Variants in PTPRN2 observed in about 807,000 individuals in gnomAD.
PTPRN2 encodes the protein receptor-type tyrosine-protein phosphatase N2.
Under a neutral mutation model 118.8 loss-of-function variants are expected in PTPRN2, and 74 were observed. The observed-to-expected ratio is 0.62, with a 90% CI of 0.52 to 0.76. The LOEUF (loss-of-function observed/expected upper bound fraction) is 0.76. Ranked by LOEUF, PTPRN2 falls within the 30% of genes least tolerant of loss-of-function variation. The pLI is 0.00. For synonymous variants in PTPRN2, 641 were observed against 608.0 expected (o/e 1.05, Z -0.80); for missense variants, 1,481 against 1,394.4 (o/e 1.06, Z -0.99).
At chr7:158,311,105 T>G (rs4909176) in intron 3 of PTPRN2, among the ~76,000 whole-genome samples, 142,541 of 152,220 alleles carry the variant, frequency 0.94, 66,805 homozygotes, top group Non-Finnish European at 0.96. Flanking sequence ...AGGGCGCAAA[T>G]AGAGTGGGCA....
chr7:158,343,896 G>A (rs1317668402), intron 2 of PTPRN2, among the ~76,000 whole-genome samples: 1 of 152,174 alleles, frequency 6.6e-6, no homozygotes, highest in Non-Finnish European at 1.5e-5. Context: ...TTCCATGGAG[G>A]GTCTAGACTG....
rs969464015 is a variant in PTPRN2 at position 157,964,242 on chromosome 7, C to T, written c.1724-65505G>A. On this transcript the variant is annotated intron_variant, in intron 11 of 22. Coordinates refer to ENST00000389418, the MANE Select transcript of PTPRN2 (RefSeq NM_002847.5). The surrounding 1 kb of genome is among the most constrained non-coding windows in gnomAD (Gnocchi z 9.0). ...AGCTCCCAGATGCTCCACACACCCA[C>T]GTCTACAGAAACACTAGGCCAGACT... Among the ~76,000 whole-genome samples the T allele has an allele frequency of 2.0e-5, 3 of 152,086 alleles. No homozygotes were observed. The highest frequency in any genetic ancestry group is 3.9e-4 in the East Asian group (2 of 5,186).
chr7:157,987,461 G>A lies in PTPRN2; in HGVS notation c.1724-88724C>T, dbSNP rs760190382. ...GAGATGACAGGTCATTAATGGGGGC[G>A]TAGTGTCCGGTCACTAATAGGGTGT... On this transcript the variant is annotated intron_variant, in intron 11 of 22. Coordinates refer to ENST00000389418, the MANE Select transcript of PTPRN2 (RefSeq NM_002847.5). The surrounding 1 kb of genome is among the most constrained non-coding windows in gnomAD (Gnocchi z 4.3). Among the ~76,000 whole-genome samples, 13 of 152,080 alleles carry A rather than the reference G, an allele frequency of 8.5e-5. No individual in the cohort carries two copies. Among genetic ancestry groups the A allele is most frequent in the East Asian group, 3.9e-4 (2 of 5,170 alleles).
At chr7:158,118,500 A>T (rs1470058012) in intron 9 of PTPRN2, among the ~76,000 whole-genome samples, 1 of 152,228 alleles carries the variant, frequency 6.6e-6, no homozygotes, top group Non-Finnish European at 1.5e-5. Context: ...AAAAATCCAT[A>T]ATGCACATAG....
At chr7:158,012,204 G>A (rs562850675) in intron 11 of PTPRN2, among the ~76,000 whole-genome samples, 8 of 152,192 alleles carry the variant, frequency 5.3e-5, no homozygotes, top group Admixed American at 1.3e-4. Context: ...CGTGCCTTTC[G>A]GAAGCAGATG....
rs922235688 is a variant in PTPRN2, at chr7:157,611,791, C to T, written c.2345-7716G>A. ...GACAGCCGCAGTCATGCTGGGGACA[C>T]GCGGAGGGAGAGCGCCCGTGTGAAG... On this transcript the variant is annotated intron_variant, in intron 15 of 22. Transcript: ENST00000389418. This position sits in a 1 kb window ranked among gnomAD's most constrained non-coding sequence, Gnocchi z 5.9. 4.9e-5 allele frequency among the ~76,000 whole-genome samples: 7 copies of T among 142,398 alleles called. No homozygotes were observed. The highest frequency in any genetic ancestry group is 2.1e-4 in the East Asian group (1 of 4,782). 93.4% of individuals were successfully genotyped at this position (142,398 alleles called of 152,430 possible). A position where few individuals can be genotyped will look rare whatever the true frequency, so the allele number is the denominator to read the frequency against.
chr7:157,809,287 G>A (rs1233298179), intron 12 of PTPRN2, among the ~76,000 whole-genome samples: 7 of 151,398 alleles, frequency 4.6e-5, no homozygotes, highest in South Asian at 2.1e-4. Context: ...CACCCCTGCC[G>A]TGTGAGCTCC....
At chr7:157,973,110 C>T (rs1043905785) in intron 11 of PTPRN2, among the ~76,000 whole-genome samples, 1 of 152,222 alleles carries the variant, frequency 6.6e-6, no homozygotes, top group Non-Finnish European at 1.5e-5. Context: ...AGCCTGCACT[C>T]TGGGCTGCAG....
In PTPRN2 at chr7:158,386,348, C is replaced by CTCCCTCCTCCCGTGCCCCAAG. The variant is rs1363161905; in HGVS notation, c.164-69437_164-69417dup. ...CCGAGTCCCTCCTTCTGTACCCCTC[C>CTCCCTCCTCCCGTGCCCCAAG]TCCCTCCTCCCGTGCCCCAAGTCCC... is the stretch of plus-strand genomic sequence containing the variant. On this transcript the variant is annotated intron_variant, in intron 2 of 22. Transcript: ENST00000389418. 1.5e-3 allele frequency among the ~76,000 whole-genome samples: 178 copies of CTCCCTCCTCCCGTGCCCCAAG among 119,342 alleles called. 2 individuals are homozygous for CTCCCTCCTCCCGTGCCCCAAG. Among genetic ancestry groups the CTCCCTCCTCCCGTGCCCCAAG allele is most frequent in the African/African-American group, 5.5e-3 (167 of 30,598 alleles). The allele number at this position is 119,342 out of a possible 152,430, so 78.3% of individuals were successfully genotyped here. A position where few individuals can be genotyped will look rare whatever the true frequency, so the allele number is the denominator to read the frequency against.
In PTPRN2 at chr7:158,587,586, G is replaced by A; in HGVS notation, c.84C>T (p.Pro28=). 1 of 1,339,052 alleles carries A rather than the reference G, an allele frequency of 7.5e-7. No individual in the cohort carries two copies. Among genetic ancestry groups the A allele is most frequent in the Non-Finnish European group, 9.5e-7 (1 of 1,050,462 alleles). 82.9% of individuals were successfully genotyped at this position (1,339,052 alleles called of 1,614,324 possible). Reference sequence around the variant, plus strand: ...GACGCCCCGGGAGCTGCCGGCCGCGGGGGACGGACGAAGGGGCGGCAGGCA... The same window carrying A: ...GACGCCCCGGGAGCTGCCGGCCGCGAGGGACGGACGAAGGGGCGGCAGGCA... ...RVLPAAPSSV[P]RGRQLPGRLG... is the part of the protein sequence containing the mutation. The change falls in exon 1 of 23, where the codon CCC becomes CCT. Residue 28 remains proline (P), a synonymous_variant. Transcript: ENST00000389418.
intron 6 of PTPRN2, among the ~76,000 whole-genome samples, chr7:158,147,360 CT>C (rs112062837): frequency 0.03 from 869 of 29,316 alleles, 33 homozygotes; most frequent in Non-Finnish European, 0.04. Flanking sequence ...CGCCACGTAT[CT>C]TTCCCCCTCA....
intron 9 of PTPRN2, among the ~76,000 whole-genome samples, chr7:158,133,060 C>A (rs1342153612): frequency 6.6e-6 from 1 of 152,224 alleles, no homozygotes; most frequent in Non-Finnish European, 1.5e-5. Flanking sequence ...CCCGTGATGT[C>A]TGAATTCTGA....
chr7:157,885,439 AG>A (rs1390467669), intron 12 of PTPRN2, among the ~76,000 whole-genome samples: 1 of 152,182 alleles, frequency 6.6e-6, no homozygotes, highest in Non-Finnish European at 1.5e-5. Flanking sequence ...GCACCTGAGC[AG>A]AAGGGCATGG....
At chr7:157,697,131 CCA>C (rs1797830134) in intron 12 of PTPRN2, among the ~76,000 whole-genome samples, 1 of 630 alleles carries the variant, frequency 1.6e-3, no homozygotes, top group South Asian at 0.1. Flanking sequence ...CACCATCTAC[CCA>C]TGCATACTGG....
rs377549208 is a variant in PTPRN2, at chr7:157,760,601, C to T, written c.1789-77664G>A. 2.8e-4 allele frequency among the ~76,000 whole-genome samples: 43 copies of T among 152,238 alleles called. No homozygotes were observed. The East Asian group carries it at 7.9e-3, about 28-fold the overall frequency. ...TGCTCCCCGAGTCTTCTCCATGCCC[C>T]TCAGCCCTCTTCTGGCCAGATCCAG... On this transcript the variant is annotated intron_variant, in intron 12 of 22. Coordinates refer to ENST00000389418, the MANE Select transcript of PTPRN2 (RefSeq NM_002847.5).
At chr7:157,985,839 C>T (rs535321231) in intron 11 of PTPRN2, among the ~76,000 whole-genome samples, 51 of 152,108 alleles carry the variant, frequency 3.4e-4, no homozygotes, top group South Asian at 3.3e-3. Context: ...TGACGAGACC[C>T]GGCCTCGCTC....
At chr7:158,469,120 T>TATGCACACTCACACACACTCC (rs1563330323) in intron 2 of PTPRN2, among the ~76,000 whole-genome samples, 4 of 151,992 alleles carry the variant, frequency 2.6e-5, no homozygotes, top group East Asian at 1.9e-4. Context: ...GGATCAACAG[T>TATGCACACTCACACACACTCC]GTCAGGCTTT....
intron 21 of PTPRN2, among the ~76,000 whole-genome samples, chr7:157,556,734 ACT>A (rs1443909851): frequency 2.0e-5 from 3 of 147,116 alleles, no homozygotes; most frequent in Non-Finnish European, 3.0e-5. Flanking sequence ...CCCACACTAC[ACT>A]CACACCCCAC....
In PTPRN2 at chr7:157,794,263, C is replaced by T. The variant is rs955578014; in HGVS notation, c.1788+104410G>A. On this transcript the variant is annotated intron_variant, in intron 12 of 22. Coordinates refer to ENST00000389418, the MANE Select transcript of PTPRN2 (RefSeq NM_002847.5). This position sits in a 1 kb window ranked among gnomAD's most constrained non-coding sequence, Gnocchi z 5.2. ...TCCGACCCGGGCTCACACCTCCCCTCGTTCTCTGCTCCGACCCGGGCTCAC... is the reference window on the plus strand; with the variant it reads ...TCCGACCCGGGCTCACACCTCCCCTTGTTCTCTGCTCCGACCCGGGCTCAC... Among the ~76,000 whole-genome samples, 1 of 151,198 alleles carries T rather than the reference C, an allele frequency of 6.6e-6. No individual in the cohort carries two copies. Among genetic ancestry groups the T allele is most frequent in the East Asian group, 2.0e-4 (1 of 5,096 alleles).
Sources: allele counts gnomAD v4.1 joint callset (sites outside exome capture counted in the v4.1 genomes callset), GRCh38; gene constraint gnomAD v4.1.1; non-coding constraint Gnocchi (gnomAD v3.1); transcripts MANE v1.5; gene names NCBI Gene and HGNC (gene_info 2026-07-23, HGNC 2026-07-21).